The following PCNX1 variants were observed in gnomAD, a reference collection of about 807,000 sequenced individuals.
The protein encoded by PCNX1 is pecanex-like protein 1.
In PCNX1, 78 loss-of-function variants were observed where a neutral mutation model predicts 242.2. The observed-to-expected ratio is 0.32, with a 90% CI of 0.27 to 0.39. PCNX1 has a LOEUF of 0.39. Ranked by LOEUF, PCNX1 falls within the 10% of genes least tolerant of loss-of-function variation. The probability of loss-of-function intolerance (pLI) is 1.00; values close to 1 mark genes in which losing one functional copy is unlikely to be tolerated. For missense variants in PCNX1, 2,581 were observed against 2,856.5 expected, an observed-to-expected ratio of 0.90 and a Z score of 2.20; for synonymous variants, 1,024 against 1,032.9, an observed-to-expected ratio of 0.99 and a Z score of 0.17.
chr14:71,066,422 G>C (rs2061448713), intron 26 of PCNX1, among the ~76,000 whole-genome samples: 1 of 151,958 alleles, frequency 6.6e-6, no homozygotes, highest in Non-Finnish European at 1.5e-5. Context: ...TTTGTTATTG[G>C]TATATAGGAA....
chr14:70,980,660 A>T (rs1367141542), intron 6 of PCNX1, among the ~76,000 whole-genome samples: 3 of 152,114 alleles, frequency 2.0e-5, no homozygotes, highest in Non-Finnish European at 4.4e-5. Context: ...GAGGTGGTAG[A>T]AGGGGATTTG....
At chr14:71,062,864 C>T (rs2061360872) in intron 26 of PCNX1, among the ~76,000 whole-genome samples, 1 of 152,202 alleles carries the variant, frequency 6.6e-6, no homozygotes, top group African/African-American at 2.4e-5. Context: ...TATCTTTTTG[C>T]CATATTTTTA....
In PCNX1 at chr14:70,937,808, G is replaced by A. The variant is rs148680510; in HGVS notation, c.154-9107G>A. Among the ~76,000 whole-genome samples the A allele has an allele frequency of 9.7e-3, 1,477 of 152,040 alleles. 22 individuals are homozygous for A. Among genetic ancestry groups the A allele is most frequent in the African/African-American group, 0.033 (1,364 of 41,462 alleles). The stretch of plus-strand genomic sequence containing the variant: ...ATTTGTTTGTGTCCTTTTTTATTTC[G>A]TTGAGCAGTGGTTTATAGTTCTCCT... On this transcript the variant is annotated intron_variant, in intron 1 of 35. Transcript: ENST00000304743.
intron 1 of PCNX1, among the ~76,000 whole-genome samples, chr14:70,916,902 GT>G (rs1175978491): frequency 6.6e-6 from 1 of 152,192 alleles, no homozygotes; most frequent in Non-Finnish European, 1.5e-5. Context: ...AGAGTCAGCT[GT>G]CTCAAATCCT....
intron 18 of PCNX1, 59 bp from the exon 19 acceptor site, chr14:71,036,006 G>A: frequency 5.9e-6 from 7 of 1,188,492 alleles, no homozygotes; most frequent in Non-Finnish European, 8.6e-6. Context: ...TGGGAATAAA[G>A]GAAAAAGATT....
intron 28 of PCNX1, among the ~76,000 whole-genome samples, chr14:71,076,715 C>T (rs2061728712): frequency 6.6e-6 from 1 of 152,178 alleles, no homozygotes; most frequent in Non-Finnish European, 1.5e-5. Flanking sequence ...CCATGCATTA[C>T]CCTCCAAAAT....
intron 8 of PCNX1, among the ~76,000 whole-genome samples, chr14:70,999,317 G>C (rs2059438954): frequency 6.6e-6 from 1 of 152,184 alleles, no homozygotes; most frequent in Non-Finnish European, 1.5e-5. Context: ...AGATCAGATA[G>C]AACAGGAAAC....
At chr14:71,075,355 C>G (rs532285669) in intron 27 of PCNX1, among the ~76,000 whole-genome samples, 109 of 152,054 alleles carry the variant, frequency 7.2e-4, no homozygotes, top group Non-Finnish European at 1.4e-3. Context: ...GGGATGAACG[C>G]TGAGCCTTCC....
At chr14:71,036,712 C>T (rs903330851) in intron 19 of PCNX1, among the ~76,000 whole-genome samples, 1 of 152,156 alleles carries the variant, frequency 6.6e-6, no homozygotes, top group Non-Finnish European at 1.5e-5. Context: ...TTAAGCAGGA[C>T]TATAACTTTG....
At chr14:71,104,339 T>G (rs2062549735) in intron 32 of PCNX1, among the ~76,000 whole-genome samples, 1 of 152,078 alleles carries the variant, frequency 6.6e-6, no homozygotes, top group Non-Finnish European at 1.5e-5. Flanking sequence ...CTCTCAAATG[T>G]TCAATCTCCG....
chr14:71,010,436 T>A (rs1230559321), intron 9 of PCNX1, among the ~76,000 whole-genome samples: 1 of 152,108 alleles, frequency 6.6e-6, no homozygotes, highest in Non-Finnish European at 1.5e-5. Flanking sequence ...TTTCATTTTG[T>A]TTAAAATTTC....
At chr14:71,093,080 C>T (rs1048393862) in intron 30 of PCNX1, 2 of 152,108 alleles carry the variant, frequency 1.3e-5, no homozygotes, top group Non-Finnish European at 2.9e-5. Context: ...CTTTAAGACT[C>T]ATTATACATG....
chr14:71,091,205 A>G (rs2062120471), intron 30 of PCNX1, among the ~76,000 whole-genome samples: 1 of 152,198 alleles, frequency 6.6e-6, no homozygotes, highest in South Asian at 2.1e-4. Flanking sequence ...AACAACAGCC[A>G]TATATTGATC....
In PCNX1 at chr14:71,052,394, G is replaced by A. The variant is rs1398392221; in HGVS notation, c.4577+382G>A. Among the ~76,000 whole-genome samples, 3 of 151,982 alleles carry A rather than the reference G, an allele frequency of 2.0e-5. No individual in the cohort carries two copies. In the East Asian group the frequency reaches 5.8e-4, roughly 29 times the overall value. ...ACGTCGGTTAATTTTGGTATTTTTT[G>A]TAGAGATGGAGTTTGACTGTGTTGC... On this transcript the variant is annotated intron_variant, in intron 24 of 35. Coordinates refer to ENST00000304743, the MANE Select transcript of PCNX1 (RefSeq NM_014982.3).
At chr14:71,023,836 T>C (rs2060168399) in intron 13 of PCNX1, among the ~76,000 whole-genome samples, 1 of 152,118 alleles carries the variant, frequency 6.6e-6, no homozygotes, top group African/African-American at 2.4e-5. Context: ...ACTTCATGAA[T>C]AGTTTATGAT....
intron 12 of PCNX1, among the ~76,000 whole-genome samples, chr14:71,021,712 A>G (rs2060106238): frequency 6.6e-6 from 1 of 152,006 alleles, no homozygotes; most frequent in East Asian, 1.9e-4. Flanking sequence ...TATGAATGCT[A>G]CATCATTTAA....
In PCNX1 at chr14:71,112,056, G is replaced by A. The variant is rs972121288; in HGVS notation, c.*2121G>A. 2.0e-5 allele frequency: 3 copies of A among 152,368 alleles called. No homozygotes were observed. Among genetic ancestry groups the A allele is most frequent in the African/African-American group, 7.2e-5 (3 of 41,380 alleles). The allele number at this position is 152,368 out of a possible 1,614,324, so 9.4% of individuals were successfully genotyped here. On this transcript the variant is annotated 3_prime_UTR_variant, in exon 36 of 36. Transcript: ENST00000304743. Reference sequence around the variant, plus strand: ...TTTAAAATCTTCTGAAAGGAACTATGTTCCCTGCTGCTTCTTCCCTTTCTG... The same window carrying A: ...TTTAAAATCTTCTGAAAGGAACTATATTCCCTGCTGCTTCTTCCCTTTCTG...
chr14:71,080,440 T>C (rs575432766), intron 28 of PCNX1, among the ~76,000 whole-genome samples: 1 of 152,334 alleles, frequency 6.6e-6, no homozygotes, highest in South Asian at 2.1e-4. Flanking sequence ...GGGGATAGCA[T>C]TGAATCTGTA....
chr14:70,979,439 T>A (rs1174362882), intron 6 of PCNX1, among the ~76,000 whole-genome samples: 2 of 151,164 alleles, frequency 1.3e-5, no homozygotes, highest in East Asian at 3.8e-4. Flanking sequence ...GAGTTATTTC[T>A]TGCTGTGTTC....
Sources: allele counts gnomAD v4.1 joint callset (sites outside exome capture counted in the v4.1 genomes callset), GRCh38; gene constraint gnomAD v4.1.1; transcripts MANE v1.5; gene names NCBI Gene and HGNC (gene_info 2026-07-23, HGNC 2026-07-21).